ZNF600: variants seen among roughly 807,000 people sequenced by gnomAD.
ZNF600 encodes zinc finger protein 600.
In ZNF600, 4 loss-of-function variants were observed where a neutral mutation model predicts 7.3. The ratio of observed to expected loss-of-function variants is 0.55; its 90% CI spans 0.27 to 1.25. The LOEUF is 1.25. Ranked by LOEUF, ZNF600 falls within the 50% of genes most tolerant of loss-of-function variation. The pLI, the probability that ZNF600 is intolerant of heterozygous loss-of-function variation, is 0.12. For missense variants in ZNF600, 911 were observed against 922.1 expected, an observed-to-expected ratio of 0.99 and a Z score of 0.16; for synonymous variants, 290 against 308.9, an observed-to-expected ratio of 0.94 and a Z score of 0.64.
intron 1 of ZNF600, among the ~76,000 whole-genome samples, chr19:52,781,739 G>A (rs1244864425): frequency 6.7e-6 from 1 of 150,008 alleles, no homozygotes; most frequent in African/African-American, 2.5e-5. Flanking sequence ...TTCCAGCCTA[G>A]GTGATAGGGT....
the ZNF600 span, among the ~76,000 whole-genome samples, chr19:52,814,715 T>A: frequency 6.8e-6 from 1 of 146,072 alleles, no homozygotes; most frequent in African/African-American, 2.7e-5. Flanking sequence ...TGAAACCCCA[T>A]CACTACTGAA....
At chr19:52,816,870 T>TAATAAA in the ZNF600 span, among the ~76,000 whole-genome samples, 2 of 135,118 alleles carry the variant, frequency 1.5e-5, no homozygotes, top group African/African-American at 2.8e-5. Flanking sequence ...ATAATAATAA[T>TAATAAA]AAAACGTGGA....
the ZNF600 span, among the ~76,000 whole-genome samples, chr19:52,802,467 G>A: frequency 0.089 from 13,481 of 152,064 alleles, 1,068 homozygotes; most frequent in South Asian, 0.2. Context: ...ATCACCTCAC[G>A]TCAGGAGTTT....
At chr19:52,782,182 C>T (rs1333671378) in intron 1 of ZNF600, among the ~76,000 whole-genome samples, 2 of 151,974 alleles carry the variant, frequency 1.3e-5, no homozygotes, top group Non-Finnish European at 2.9e-5. Context: ...GAGCTGTGAT[C>T]CTGCCACTGC....
At chr19:52,792,728 A>G in the ZNF600 span, among the ~76,000 whole-genome samples, 7 of 150,562 alleles carry the variant, frequency 4.6e-5, no homozygotes, top group Non-Finnish European at 1.0e-4. Flanking sequence ...CTTTTTATTT[A>G]TTTATTTATT....
the ZNF600 span, among the ~76,000 whole-genome samples, chr19:52,825,827 A>G: frequency 6.6e-6 from 1 of 152,170 alleles, no homozygotes; most frequent in Non-Finnish European, 1.5e-5. Context: ...CTCTATTAAA[A>G]ATACAAAAAA....
the ZNF600 span, among the ~76,000 whole-genome samples, chr19:52,816,771 T>C: frequency 1.1e-5 from 1 of 93,986 alleles, no homozygotes; most frequent in Non-Finnish European, 2.1e-5. Context: ...ACAGAGGTTG[T>C]AGTAAGCTGA....
exon 4 of ZNF600, chr19:52,766,191 C>T (rs1186051765): frequency 6.2e-7 from 1 of 1,614,098 alleles, no homozygotes; most frequent in Admixed American, 1.7e-5. Context: ...AGGTTTCTCA[C>T]CACTATGAAC....
upstream of ZNF600, among the ~76,000 whole-genome samples, chr19:52,790,074 C>T (rs1044939271): frequency 6.6e-6 from 1 of 152,142 alleles, no homozygotes; most frequent in East Asian, 1.9e-4. Context: ...CGGCCATTTA[C>T]ACTTCTTTTG....
chr19:52,783,506 C>G (rs1046319423), intron 1 of ZNF600, among the ~76,000 whole-genome samples: 2 of 151,948 alleles, frequency 1.3e-5, no homozygotes, highest in Non-Finnish European at 2.9e-5. Context: ...GGACTACAGG[C>G]GCCCGCCACC....
At chr19:52,787,757 G>A (rs1476796039), upstream of ZNF600, among the ~76,000 whole-genome samples, 1 of 149,818 alleles carries the variant, frequency 6.7e-6, no homozygotes, top group Non-Finnish European at 1.5e-5. Flanking sequence ...CTACTAGGGA[G>A]GCTGAGACAG....
At chr19:52,816,858 T>TAAC in the ZNF600 span, among the ~76,000 whole-genome samples, 1 of 130,296 alleles carries the variant, frequency 7.7e-6, no homozygotes, top group African/African-American at 2.9e-5. Flanking sequence ...ATAATAATAA[T>TAAC]AATAATAATA....
chr19:52,785,631 C>T (rs2062757247), intron 1 of ZNF600, among the ~76,000 whole-genome samples: 1 of 152,114 alleles, frequency 6.6e-6, no homozygotes, highest in Non-Finnish European at 1.5e-5. Context: ...TCTCTTATCT[C>T]TCCGTCTCCT....
downstream of ZNF600, chr19:52,764,313 C>T (rs1568621291): frequency 6.6e-6 from 1 of 152,022 alleles, no homozygotes; most frequent in East Asian, 1.9e-4. Context: ...CAGGTTTAAG[C>T]GACTCTTGTG....
intron 3 of ZNF600, among the ~76,000 whole-genome samples, chr19:52,768,902 A>C (rs2062610179): frequency 6.6e-6 from 1 of 152,214 alleles, no homozygotes; most frequent in Non-Finnish European, 1.5e-5. Flanking sequence ...TCTTTATTCC[A>C]ATATTATAAT....
At chr19:52,790,383 G>A (rs1004746694), upstream of ZNF600, among the ~76,000 whole-genome samples, 4 of 152,138 alleles carry the variant, frequency 2.6e-5, no homozygotes, top group Non-Finnish European at 5.9e-5. Flanking sequence ...TTTAGCCCCA[G>A]CTACTTGGAT....
chr19:52,807,851 A>C, the ZNF600 span: 2 of 1,222,210 alleles, frequency 1.6e-6, no homozygotes, highest in East Asian at 4.8e-5. Flanking sequence ...CCTCTAAACA[A>C]AGGGGACAGT....
At chr19:52,788,843 G>A (rs567146081), upstream of ZNF600, among the ~76,000 whole-genome samples, 2 of 152,310 alleles carry the variant, frequency 1.3e-5, no homozygotes, top group South Asian at 4.1e-4. Flanking sequence ...GTCCCATACT[G>A]TGATAATAGC....
the ZNF600 span, among the ~76,000 whole-genome samples, chr19:52,812,367 G>A: frequency 1.4e-5 from 2 of 140,756 alleles, no homozygotes; most frequent in Non-Finnish European, 3.0e-5. Context: ...GATGATTGCC[G>A]GGTCTGTGTG....
Sources: allele counts gnomAD v4.1 joint callset (sites outside exome capture counted in the v4.1 genomes callset), GRCh38; gene constraint gnomAD v4.1.1; transcripts MANE v1.5; gene names NCBI Gene and HGNC (gene_info 2026-07-23, HGNC 2026-07-21).